The following SERPINA5 variants were observed in gnomAD, a reference collection of about 807,000 sequenced individuals.
SERPINA5 encodes the protein plasma serine protease inhibitor.
Under a neutral mutation model 25.3 loss-of-function variants are expected in SERPINA5, and 25 were observed. That is an observed-to-expected ratio of 0.99 (90% CI 0.72 to 1.38). SERPINA5 has a LOEUF of 1.38. SERPINA5 is among the 40% of genes most tolerant of loss of function. SERPINA5 has a pLI of 0.00. For missense variants in SERPINA5, 599 were observed against 509.5 expected (o/e 1.18, Z -1.69); for synonymous variants, 234 against 206.2 (o/e 1.14, Z -1.16).
intron 5 of SERPINA5, among the ~76,000 whole-genome samples, 192 bp from the exon 6 acceptor site, chr14:94,591,863 GAC>G (rs1885313824): frequency 1.3e-5 from 2 of 152,200 alleles, no homozygotes; most frequent in African/African-American, 4.8e-5. Context: ...TTCAATGACA[GAC>G]ACATGCGAAG....
At chr14:94,589,999 G>A in intron 3 of SERPINA5, 42 bp from the exon 4 acceptor site, 1 of 1,531,958 alleles carries the variant, frequency 6.5e-7, no homozygotes, top group Non-Finnish European at 8.8e-7. Flanking sequence ...TTCTAATTCT[G>A]ACACAAAATT....
At position 94,590,070 on chromosome 14, in the gene SERPINA5, G is replaced by T. The variant is rs6114; in HGVS notation, c.649G>T (p.Gly217Cys). ...AKWETSFNHKGTQEQDFYVTS... is the reference protein window; with the variant it reads ...AKWETSFNHKCTQEQDFYVTS... ...GTGGGAGACAAGCTTCAACCACAAA[G>T]GCACCCAAGAGCAAGACTTCTACGT... The change falls in exon 4 of 6, where the codon GGC becomes TGC. Residue 217 changes from glycine to cysteine, a missense_variant. Physicochemically the swap from Gly to Cys is radical, Grantham distance 159. Transcript: ENST00000329597. 23 of 1,595,840 alleles carry T rather than the reference G, an allele frequency of 1.4e-5. No individual in the cohort carries two copies. The African/African-American group carries it at 3.0e-4, about 20-fold the overall frequency.
In SERPINA5 at chr14:94,592,332, C is replaced by A; in HGVS notation, c.*93C>A. 1 of 1,271,424 alleles carries A rather than the reference C, an allele frequency of 7.9e-7. No homozygotes were observed. Among genetic ancestry groups the A allele is most frequent in the Non-Finnish European group, 1.1e-6 (1 of 912,458 alleles). 78.8% of individuals were successfully genotyped at this position (1,271,424 alleles called of 1,614,324 possible). On this transcript the variant is annotated 3_prime_UTR_variant, in exon 6 of 6. Transcript: ENST00000329597. The stretch of plus-strand genomic sequence containing the variant: ...CTGTATGCTGGTAGCTAGTGATTTA[C>A]ACAGGTTTAGTTGACTAATGAGGCA...
intron 2 of SERPINA5, chr14:94,582,165 AGTTT>A (rs1884939367): frequency 6.6e-6 from 1 of 152,254 alleles, no homozygotes; most frequent in South Asian, 2.1e-4. Flanking sequence ...ACAATTTGGC[AGTTT>A]GTTAAATGAA....
intron 2 of SERPINA5, chr14:94,587,126 C>G: frequency 4.0e-6 from 2 of 497,100 alleles, no homozygotes; most frequent in Non-Finnish European, 3.5e-6. Flanking sequence ...TGGGTCTGCA[C>G]CTCCTCTCCC....
At chr14:94,587,324 G>A in intron 2 of SERPINA5, 22 bp from the exon 3 acceptor site, 2 of 1,554,540 alleles carry the variant, frequency 1.3e-6, no homozygotes, top group Non-Finnish European at 1.7e-6. Context: ...CCCTCTCTGA[G>A]GACACCTTCT....
At chr14:94,582,287 T>G (rs1884941432) in intron 2 of SERPINA5, 1 of 152,262 alleles carries the variant, frequency 6.6e-6, no homozygotes, top group Admixed American at 6.5e-5. Flanking sequence ...GCCAGTGTCC[T>G]TGCTCATAGA....
In SERPINA5 at chr14:94,592,923, C is replaced by T. The variant is rs1271077889; in HGVS notation, c.*684C>T. The T allele has an allele frequency of 3.9e-5, 6 of 152,106 alleles. No individual in the cohort carries two copies. Among genetic ancestry groups the T allele is most frequent in the Non-Finnish European group, 5.9e-5 (4 of 68,032 alleles). 9.4% of individuals were successfully genotyped at this position (152,106 alleles called of 1,614,324 possible). A position where few individuals can be genotyped will look rare whatever the true frequency, so the allele number is the denominator to read the frequency against. On this transcript the variant is annotated 3_prime_UTR_variant, in exon 6 of 6. Coordinates refer to ENST00000329597, the MANE Select transcript of SERPINA5 (RefSeq NM_000624.6). The stretch of plus-strand genomic sequence containing the variant: ...GCCATTCATCCTTTAAGAAAAACAT[C>T]TGGATATCAAGGTGGAAATGGCCCA...
chr14:94,586,690 G>A (rs575982530), intron 2 of SERPINA5, among the ~76,000 whole-genome samples: 2 of 152,272 alleles, frequency 1.3e-5, no homozygotes, highest in African/African-American at 4.8e-5. Flanking sequence ...CACATGAAGA[G>A]GTTCAGGCAG....
chr14:94,588,936 C>T (rs1209869277), intron 3 of SERPINA5, among the ~76,000 whole-genome samples: 1 of 152,122 alleles, frequency 6.6e-6, no homozygotes, highest in Non-Finnish European at 1.5e-5. Context: ...TCCCAAAGGC[C>T]CCCTGTCCTA....
chr14:94,585,230 T>C (rs1278592378), intron 2 of SERPINA5, among the ~76,000 whole-genome samples: 1 of 152,148 alleles, frequency 6.6e-6, no homozygotes, highest in East Asian at 1.9e-4. Flanking sequence ...AAGATGTACC[T>C]TTTTGGGTGG....
chr14:94,589,275 C>T (rs544655139), intron 3 of SERPINA5, among the ~76,000 whole-genome samples: 8 of 152,038 alleles, frequency 5.3e-5, no homozygotes, highest in South Asian at 4.2e-4. Flanking sequence ...AGTGAAACCC[C>T]GTCTCTACTA....
chr14:94,592,394 C>T lies in SERPINA5; in HGVS notation c.*155C>T. The T allele has an allele frequency of 1.4e-6, 1 of 717,298 alleles. No homozygotes were observed. 44.4% of individuals were successfully genotyped at this position (717,298 alleles called of 1,614,324 possible). ...ATTACTCTATGATGATTGCTTCCAC[C>T]CACACGACTGCAACATACAGGTGCC... On this transcript the variant is annotated 3_prime_UTR_variant, in exon 6 of 6. Coordinates refer to ENST00000329597, the MANE Select transcript of SERPINA5 (RefSeq NM_000624.6).
intron 2 of SERPINA5, among the ~76,000 whole-genome samples, chr14:94,585,488 C>G (rs1044547305): frequency 6.6e-6 from 1 of 152,216 alleles, no homozygotes; most frequent in Admixed American, 6.5e-5. Context: ...AGACCATTCT[C>G]TCTCCACTGC....
chr14:94,587,697 A>G lies in SERPINA5; in HGVS notation c.335A>G (p.Gln112Arg). Residue 112 changes from glutamine to arginine, a missense_variant, in exon 3 of 6, where the codon CAG becomes CGG. By Grantham distance (43) the Gln-to-Arg change is conservative. Coordinates refer to ENST00000329597, the MANE Select transcript of SERPINA5 (RefSeq NM_000624.6). The part of the protein sequence containing the change: ...SSEKELHRGF[Q>R]QLLQELNQPR... Reference sequence around the variant, plus strand: ...GAGAAGGAGCTGCACAGAGGCTTTCAGCAGCTCCTTCAGGAACTCAACCAG... The same window carrying G: ...GAGAAGGAGCTGCACAGAGGCTTTCGGCAGCTCCTTCAGGAACTCAACCAG... 10 of 1,614,184 alleles carry G rather than the reference A, an allele frequency of 6.2e-6. No homozygotes were observed. Among genetic ancestry groups the G allele is most frequent in the African/African-American group, 1.3e-5 (1 of 75,064 alleles).
In SERPINA5 at chr14:94,590,926, T is replaced by C. The variant is rs763614289; in HGVS notation, c.1038+30T>C. On this transcript the variant is annotated intron_variant, in intron 5 of 5. Transcript: ENST00000329597. ...GTTCAGAAGCTCCTATGCATCTGCT[T>C]CCCAAGGTCTATTCTGTTCTATTCT... 5 of 1,592,440 alleles carry C rather than the reference T, an allele frequency of 3.1e-6. No homozygotes were observed. The Admixed American group carries it at 5.1e-5, about 16-fold the overall frequency.
In SERPINA5 at chr14:94,587,652, T is replaced by A. The variant is rs964411662; in HGVS notation, c.290T>A (p.Leu97His). The A allele has an allele frequency of 2.5e-6, 4 of 1,613,928 alleles. No individual in the cohort carries two copies. The African/African-American group carries it at 4.0e-5, about 16-fold the overall frequency. Residue 97 changes from leucine (L) to histidine (H), a missense_variant, in exon 3 of 6, where the codon CTC becomes CAC. Transcript: ENST00000329597. ...ATGCAGATCCTGGAGGGCCTGGGCC[T>A]CAACCTCCAGAAAAGCTCAGAGAAG... is the stretch of plus-strand genomic sequence containing the variant. ...TKMQILEGLGLNLQKSSEKEL... is the reference protein window; with the variant it reads ...TKMQILEGLGHNLQKSSEKEL...
rs759383135 is a variant in SERPINA5 at position 94,587,415 on chromosome 14, C to T, written c.53C>T (p.Ser18Phe). 6.2e-7 allele frequency: 1 copy of T among 1,613,920 alleles called. No individual in the cohort carries two copies. Among genetic ancestry groups the T allele is most frequent in the Non-Finnish European group, 8.5e-7 (1 of 1,179,920 alleles). ...GTGCTTCTCAGCCCTCAGGGGGCCTCCCTTCACCGCCACCACCCCCGGGAG... is the reference window on the plus strand; with the variant it reads ...GTGCTTCTCAGCCCTCAGGGGGCCTTCCTTCACCGCCACCACCCCCGGGAG... ...CLVLLSPQGA[S>F]LHRHHPREMK... Residue 18 changes from serine (S) to phenylalanine (F), a missense_variant, in exon 3 of 6, where the codon TCC (serine) becomes TTC (phenylalanine). Transcript: ENST00000329597.
chr14:94,590,211 A>G lies in SERPINA5; in HGVS notation c.790A>G (p.Thr264Ala). ...GGGGGTCCCCTACCAAGGCAATGCC[A>G]CGGCTTTGTTCATTCTCCCCAGTGA... Reference protein sequence around the residue: ...VVGVPYQGNATALFILPSEGK... With the variant: ...VVGVPYQGNAAALFILPSEGK... The change falls in exon 4 of 6, where the codon ACG becomes GCG. Residue 264 changes from threonine to alanine, a missense_variant. By Grantham distance (58) the Thr-to-Ala change is moderately conservative. Transcript: ENST00000329597. 6.2e-7 allele frequency: 1 copy of G among 1,614,090 alleles called. No homozygotes were observed.
Sources: gnomAD v4.1 joint callset for allele counts (sites outside exome capture counted in the v4.1 genomes callset) on GRCh38, gnomAD v4.1.1 for gene constraint, MANE v1.5 for transcripts, NCBI Gene and HGNC (gene_info 2026-07-23, HGNC 2026-07-21) for gene names.